The following EPHA6 variants were observed in gnomAD, a reference collection of about 807,000 sequenced individuals.
EPHA6 encodes ephrin type-A receptor 6.
Under a neutral mutation model 112.0 loss-of-function variants are expected in EPHA6, and 50 were observed. That is an observed-to-expected ratio of 0.45 (90% CI 0.36 to 0.56). The LOEUF (loss-of-function observed/expected upper bound fraction) is 0.56. Ranked by LOEUF, EPHA6 falls within the 20% of genes least tolerant of loss-of-function variation. The probability of loss-of-function intolerance (pLI) is 0.00; values close to 1 mark genes in which losing one functional copy is unlikely to be tolerated. For synonymous variants in EPHA6, 529 were observed against 490.7 expected (o/e 1.08, Z -1.03); for missense variants, 1,280 against 1,417.4 (o/e 0.90, Z 1.56).
At chr3:97,600,584 C>T (rs527398388) in intron 12 of EPHA6, among the ~76,000 whole-genome samples, 57 of 152,132 alleles carry the variant, frequency 3.7e-4, no homozygotes, top group Non-Finnish European at 7.5e-4. Context: ...ACCTTCCTCC[C>T]CAACCCTGAT....
intron 10 of EPHA6, among the ~76,000 whole-genome samples, chr3:97,492,148 T>C (rs1577563238): frequency 6.9e-6 from 1 of 144,580 alleles, no homozygotes; most frequent in East Asian, 2.0e-4. Flanking sequence ...CTATTTTGTC[T>C]CTAAGACTAT....
Position 97,638,091 on chromosome 3 carries a change from A to T in EPHA6, c.2784+9A>T. Reference sequence around the variant, plus strand: ...CTGCTTATACAACAACTGTAAGTTTATATGCCCTTTCCTAATATAGTCTGT... The same window carrying T: ...CTGCTTATACAACAACTGTAAGTTTTTATGCCCTTTCCTAATATAGTCTGT... On this transcript the variant is annotated intron_variant, in intron 14 of 17. Coordinates refer to ENST00000389672, the MANE Select transcript of EPHA6 (RefSeq NM_001080448.3). 1 of 1,597,484 alleles carries T rather than the reference A, an allele frequency of 6.3e-7. No homozygotes were observed. The highest frequency in any genetic ancestry group is 8.6e-7 in the Non-Finnish European group (1 of 1,166,224).
intron 2 of EPHA6, among the ~76,000 whole-genome samples, chr3:96,960,875 A>G (rs901342877): frequency 2.0e-5 from 3 of 152,166 alleles, no homozygotes; most frequent in East Asian, 1.9e-4. Context: ...ATCTCATATC[A>G]ATCGACTCTG....
rs111971916 is a variant in EPHA6 at position 97,464,285 on chromosome 3, C to T, written c.1895-11067C>T. On this transcript the variant is annotated intron_variant, in intron 7 of 17. Transcript: ENST00000389672. ...GACAGGGAGAACAGTCTTCCAAACT[C>T]CTGCCCTGTGGGTGGAGGGAGTTTT... Among the ~76,000 whole-genome samples, 598 of 152,126 alleles carry T rather than the reference C, an allele frequency of 3.9e-3. 4 individuals carry two copies. Among genetic ancestry groups the T allele is most frequent in the African/African-American group, 0.014 (571 of 41,514 alleles).
intron 3 of EPHA6, among the ~76,000 whole-genome samples, chr3:97,088,361 AC>A (rs2046966488): frequency 6.6e-6 from 1 of 152,078 alleles, no homozygotes; most frequent in Admixed American, 6.6e-5. Flanking sequence ...AATCTTATCA[AC>A]TTTTTGGCAA....
chr3:97,501,896 C>G (rs1266266804), intron 10 of EPHA6, among the ~76,000 whole-genome samples: 1 of 151,844 alleles, frequency 6.6e-6, no homozygotes, highest in Non-Finnish European at 1.5e-5. Context: ...CCCCCAAATT[C>G]TGAGAGAGAT....
intron 3 of EPHA6, among the ~76,000 whole-genome samples, chr3:97,058,126 A>C (rs1441170684): frequency 6.6e-6 from 1 of 152,150 alleles, no homozygotes. Flanking sequence ...GTCATTATAA[A>C]ATTTAATAAT....
At chr3:97,245,831 A>T (rs2078972968) in intron 5 of EPHA6, among the ~76,000 whole-genome samples, 1 of 151,872 alleles carries the variant, frequency 6.6e-6, no homozygotes, top group South Asian at 2.1e-4. Flanking sequence ...ATGGACATGT[A>T]CATGATAAAT....
rs185576195 is a variant in EPHA6 at position 97,332,658 on chromosome 3, A to G, written c.1607-72492A>G. Among the ~76,000 whole-genome samples, 37 of 152,220 alleles carry G rather than the reference A, an allele frequency of 2.4e-4. 2 individuals carry two copies. Among genetic ancestry groups the G allele is most frequent in the Admixed American group, 2.3e-3 (35 of 15,268 alleles). ...TTGAATTGATATTAGGTTTGAGTCA[A>G]TGTTCAGTGTTTTGCCTGTGGATGC... On this transcript the variant is annotated intron_variant, in intron 5 of 17. Transcript: ENST00000389672.
intron 5 of EPHA6, among the ~76,000 whole-genome samples, chr3:97,370,670 G>T (rs1427087819): frequency 6.6e-6 from 1 of 151,994 alleles, no homozygotes; most frequent in Non-Finnish European, 1.5e-5. Flanking sequence ...TATTTTATTG[G>T]CTTTAACATG....
At chr3:97,430,605 A>C (rs1315345301) in intron 6 of EPHA6, among the ~76,000 whole-genome samples, 1 of 152,168 alleles carries the variant, frequency 6.6e-6, no homozygotes, top group Non-Finnish European at 1.5e-5. Context: ...ATTTAGCTTC[A>C]AAACTATAAT....
chr3:97,111,895 G>A (rs933280820), intron 3 of EPHA6, among the ~76,000 whole-genome samples: 15 of 151,820 alleles, frequency 9.9e-5, no homozygotes, highest in African/African-American at 3.6e-4. Context: ...TTACAGCCTT[G>A]GGCTCAGTAT....
At chr3:97,668,676 G>A (rs1335347688) in intron 14 of EPHA6, among the ~76,000 whole-genome samples, 2 of 151,996 alleles carry the variant, frequency 1.3e-5, no homozygotes, top group African/African-American at 2.4e-5. Context: ...CACTTTGGGA[G>A]GCCGAGGTGG....
chr3:97,640,206 T>C (rs1014111626), intron 14 of EPHA6, among the ~76,000 whole-genome samples: 1 of 152,034 alleles, frequency 6.6e-6, no homozygotes, highest in Non-Finnish European at 1.5e-5. Context: ...AACCAAATCT[T>C]AGGAGAATTT....
intron 2 of EPHA6, among the ~76,000 whole-genome samples, chr3:96,931,145 G>A (rs1472947962): frequency 6.6e-6 from 1 of 152,074 alleles, no homozygotes; most frequent in African/African-American, 2.4e-5. Context: ...GAACAACCAA[G>A]GTGGTGGCCT....
intron 5 of EPHA6, among the ~76,000 whole-genome samples, chr3:97,259,942 A>G (rs945046347): frequency 6.6e-6 from 1 of 151,886 alleles, no homozygotes; most frequent in Non-Finnish European, 1.5e-5. Flanking sequence ...CTGAGATTAC[A>G]GGCACGTGCC....
intron 4 of EPHA6, among the ~76,000 whole-genome samples, chr3:97,243,704 C>T (rs1244429029): frequency 6.6e-6 from 1 of 151,462 alleles, no homozygotes; most frequent in Non-Finnish European, 1.5e-5. Context: ...TACAGATATC[C>T]TGATTTTTAT....
intron 11 of EPHA6, among the ~76,000 whole-genome samples, chr3:97,588,968 A>G (rs1478130853): frequency 6.6e-6 from 1 of 152,212 alleles, no homozygotes; most frequent in Non-Finnish European, 1.5e-5. Flanking sequence ...TTTACAACAT[A>G]GAGATATTTA....
intron 3 of EPHA6, among the ~76,000 whole-genome samples, chr3:97,087,387 G>T (rs891490005): frequency 6.6e-6 from 1 of 152,126 alleles, no homozygotes; most frequent in Non-Finnish European, 1.5e-5. Flanking sequence ...TGGGAGAGTA[G>T]ACATGATGAT....
Sources: allele counts gnomAD v4.1 joint callset (sites outside exome capture counted in the v4.1 genomes callset), GRCh38; gene constraint gnomAD v4.1.1; transcripts MANE v1.5; gene names NCBI Gene and HGNC (gene_info 2026-07-23, HGNC 2026-07-21).